Variants in MINDY3 observed in about 807,000 individuals in gnomAD.
MINDY3 encodes the protein ubiquitin carboxyl-terminal hydrolase MINDY-3.
MINDY3 carries 38 observed loss-of-function variants against 69.2 expected under a neutral mutation model. The observed-to-expected ratio is 0.55, with a 90% CI of 0.42 to 0.72. The LOEUF (loss-of-function observed/expected upper bound fraction) is 0.72. Among genes scored for constraint, MINDY3 ranks in the 30% least tolerant of loss-of-function variants. The pLI, the probability that MINDY3 is intolerant of heterozygous loss-of-function variation, is 0.00. For synonymous variants in MINDY3, 192 were observed against 180.1 expected (o/e 1.07, Z -0.53); for missense variants, 522 against 519.0 (o/e 1.01, Z -0.06).
intron 1 of MINDY3, 116 bp downstream of exon 1, chr10:15,860,090 C>T (rs1428480569): frequency 2.6e-6 from 2 of 762,542 alleles, no homozygotes; most frequent in Non-Finnish European, 4.4e-6. Flanking sequence ...GCGCTGAGCA[C>T]GGCGACTGGG....
Position 15,816,817 on chromosome 10 carries a change from A to AG in MINDY3, c.882+17_882+18insC. The AG allele has an allele frequency of 6.4e-7, 1 of 1,569,034 alleles. No individual in the cohort carries two copies. Among genetic ancestry groups the AG allele is most frequent in the Non-Finnish European group, 8.8e-7 (1 of 1,142,158 alleles). On this transcript the variant is annotated intron_variant, in intron 10 of 14. Coordinates refer to ENST00000277632, the MANE Select transcript of MINDY3 (RefSeq NM_024948.4). ...GCCTGATGTCATAACTTAAAAAAAA[A>AG]TCCTGCTATAAGCATACCTTGGCAA...
chr10:15,837,987 A>G (rs976059568), intron 5 of MINDY3: 86 of 974,156 alleles, frequency 8.8e-5, no homozygotes, highest in Non-Finnish European at 1.0e-4. Flanking sequence ...TGTAATGATG[A>G]AAAAGCTTTT....
intron 9 of MINDY3, among the ~76,000 whole-genome samples, chr10:15,819,260 A>C (rs1233938510): frequency 6.6e-6 from 1 of 152,248 alleles, no homozygotes; most frequent in African/African-American, 2.4e-5. Context: ...CCTTAATGCC[A>C]TTCCTCCAAG....
At chr10:15,785,921 T>C (rs926303701) in intron 13 of MINDY3, among the ~76,000 whole-genome samples, 4 of 152,102 alleles carry the variant, frequency 2.6e-5, no homozygotes, top group Admixed American at 6.5e-5. Flanking sequence ...AAAATGACCA[T>C]GATATCTGTT....
chr10:15,789,159 T>C lies in MINDY3; in HGVS notation c.1028+88A>G, dbSNP rs1017861846. ...TATGCTTCATATATGCAGATATAGA[T>C]TTTTAAAAAGGCAAAAAATGTACAA... On this transcript the variant is annotated intron_variant, in intron 12 of 14. Coordinates refer to ENST00000277632, the MANE Select transcript of MINDY3 (RefSeq NM_024948.4). The C allele has an allele frequency of 7.8e-6, 8 of 1,022,336 alleles. No individual in the cohort carries two copies. The African/African-American group carries it at 1.1e-4, about 14-fold the overall frequency. 63.3% of individuals were successfully genotyped at this position (1,022,336 alleles called of 1,614,324 possible).
At chr10:15,853,771 T>C (rs1834484513) in intron 1 of MINDY3, among the ~76,000 whole-genome samples, 1 of 151,920 alleles carries the variant, frequency 6.6e-6, no homozygotes, top group Non-Finnish European at 1.5e-5. Flanking sequence ...TTTTACCTAG[T>C]ATAACTACCA....
chr10:15,799,701 C>A (rs1004934027), intron 10 of MINDY3, among the ~76,000 whole-genome samples: 1 of 151,994 alleles, frequency 6.6e-6, no homozygotes, highest in African/African-American at 2.4e-5. Context: ...AAAAGGTGAA[C>A]AGGACTGAGA....
At chr10:15,803,974 G>A (rs895539653) in intron 10 of MINDY3, among the ~76,000 whole-genome samples, 6 of 151,846 alleles carry the variant, frequency 4.0e-5, no homozygotes, top group African/African-American at 1.5e-4. Context: ...AACTCTTTTA[G>A]GTACCCTCAG....
chr10:15,853,007 A>G (rs927362778), intron 1 of MINDY3, among the ~76,000 whole-genome samples: 4 of 152,086 alleles, frequency 2.6e-5, no homozygotes, highest in African/African-American at 9.7e-5. Flanking sequence ...AGTCGTGTGT[A>G]GGTTATATGC....
chr10:15,832,137 G>A (rs1840510985), intron 8 of MINDY3, among the ~76,000 whole-genome samples: 1 of 152,124 alleles, frequency 6.6e-6, no homozygotes, highest in Non-Finnish European at 1.5e-5. Context: ...CGGAGAACGC[G>A]TAGAAAGATG....
At chr10:15,792,758 AG>A (rs1837516084) in intron 11 of MINDY3, among the ~76,000 whole-genome samples, 1 of 152,062 alleles carries the variant, frequency 6.6e-6, no homozygotes, top group Non-Finnish European at 1.5e-5. Flanking sequence ...TAATTGTACA[AG>A]GGGGAGGGGA....
At position 15,789,409 on chromosome 10, in the gene MINDY3, C is replaced by T. The variant is rs193080360; in HGVS notation, c.956-90G>A. On this transcript the variant is annotated intron_variant, in intron 11 of 14. Transcript: ENST00000277632. ...TGATCAGGTTCCAGGAAAAAAAAAT[C>T]GCATAAAAAATACAAAGAGTTAACA... 1,502 of 971,676 alleles carry T rather than the reference C, an allele frequency of 1.5e-3. 3 individuals are homozygous for T. Among genetic ancestry groups the T allele is most frequent in the Non-Finnish European group, 1.9e-3 (1,214 of 629,854 alleles). The allele number at this position is 971,676 out of a possible 1,614,324, so 60.2% of individuals were successfully genotyped here. A position where few individuals can be genotyped will look rare whatever the true frequency, so the allele number is the denominator to read the frequency against.
At position 15,778,966 on chromosome 10, in the gene MINDY3, A is replaced by G; in HGVS notation, c.*26T>C. 6.2e-7 allele frequency: 1 copy of G among 1,600,842 alleles called. No homozygotes were observed. The highest frequency in any genetic ancestry group is 8.5e-7 in the Non-Finnish European group (1 of 1,171,378). ...CCTTCTTTCAACATCTGTTATTAAGATCTTCCTTATAAATACTTAGACAAA... is the reference window on the plus strand; with the variant it reads ...CCTTCTTTCAACATCTGTTATTAAGGTCTTCCTTATAAATACTTAGACAAA... On this transcript the variant is annotated 3_prime_UTR_variant, in exon 15 of 15. Transcript: ENST00000277632.
rs115917813 is a variant in MINDY3, at chr10:15,827,168, A to C, written c.731-5442T>G. Among the ~76,000 whole-genome samples, 1,181 of 132,234 alleles carry C rather than the reference A, an allele frequency of 8.9e-3. 18 individuals are homozygous for C. Among genetic ancestry groups the C allele is most frequent in the African/African-American group, 0.033 (1,039 of 31,798 alleles). The allele number at this position is 132,234 out of a possible 152,430, so 86.8% of individuals were successfully genotyped here. A position where few individuals can be genotyped will look rare whatever the true frequency, so the allele number is the denominator to read the frequency against. On this transcript the variant is annotated intron_variant, in intron 8 of 14. Transcript: ENST00000277632. ...GGTGGGAGACACATAAAATTGATATAACAGGAGTAAAAAAAAAAAAAAAAA... is the reference window on the plus strand; with the variant it reads ...GGTGGGAGACACATAAAATTGATATCACAGGAGTAAAAAAAAAAAAAAAAA...
At position 15,860,455 on chromosome 10, in the gene MINDY3, A is replaced by C; in HGVS notation, c.-156T>G. On this transcript the variant is annotated 5_prime_UTR_variant, in exon 1 of 15. Coordinates refer to ENST00000277632, the MANE Select transcript of MINDY3 (RefSeq NM_024948.4). ...AAGGGGCTGAGAGCCACTTGCAGAG[A>C]CCAAGCCTGTCAAGCCAGGTTGGGG... The C allele has an allele frequency of 3.0e-6, 2 of 661,812 alleles. No homozygotes were observed. The highest frequency in any genetic ancestry group is 5.3e-6 in the Non-Finnish European group (2 of 375,646). The allele number at this position is 661,812 out of a possible 1,614,324, so 41.0% of individuals were successfully genotyped here.
chr10:15,806,862 T>C (rs1838673856), intron 10 of MINDY3, among the ~76,000 whole-genome samples: 2 of 152,158 alleles, frequency 1.3e-5, no homozygotes, highest in South Asian at 2.1e-4. Context: ...AAAGTTACCA[T>C]GTCCTTTCAT....
chr10:15,821,784 T>C (rs1436765455), intron 8 of MINDY3, 58 bp from the exon 9 acceptor site: 1 of 1,417,812 alleles, frequency 7.1e-7, no homozygotes, highest in Non-Finnish European at 9.8e-7. Context: ...GTAGTGTGTA[T>C]AAATTTGAAA....
intron 8 of MINDY3, among the ~76,000 whole-genome samples, chr10:15,832,179 G>C (rs116551833): frequency 0.015 from 2,339 of 152,192 alleles, 48 homozygotes; most frequent in African/African-American, 0.05. Flanking sequence ...GTGTGAGAGA[G>C]AGTGATGCGC....
At chr10:15,812,459 C>T (rs1839070806) in intron 10 of MINDY3, among the ~76,000 whole-genome samples, 1 of 152,084 alleles carries the variant, frequency 6.6e-6, no homozygotes, top group Non-Finnish European at 1.5e-5. Context: ...GCCTTCCTAC[C>T]CATGCAATAT....
Sources: gnomAD v4.1 joint callset for allele counts (sites outside exome capture counted in the v4.1 genomes callset) on GRCh38, gnomAD v4.1.1 for gene constraint, MANE v1.5 for transcripts, NCBI Gene and HGNC (gene_info 2026-07-23, HGNC 2026-07-21) for gene names.